Variants in EYA4 observed in about 807,000 individuals in gnomAD.
EYA4 encodes EYA transcriptional coactivator and phosphatase 4.
EYA4 carries 31 observed loss-of-function variants against 87.9 expected under a neutral mutation model. That is an observed-to-expected ratio of 0.35 (90% CI 0.27 to 0.48). The LOEUF (loss-of-function observed/expected upper bound fraction) is 0.48, where lower values mean the gene tolerates loss of function less well. Ranked by LOEUF, EYA4 falls within the 20% of genes least tolerant of loss-of-function variation. EYA4 has a pLI of 0.99. For missense variants in EYA4, 678 were observed against 761.4 expected (o/e 0.89, Z 1.29); for synonymous variants, 263 against 270.6 (o/e 0.97, Z 0.28).
intron 3 of EYA4, among the ~76,000 whole-genome samples, chr6:133,442,356 G>A (rs939444779): frequency 6.6e-6 from 1 of 152,142 alleles, no homozygotes; most frequent in Non-Finnish European, 1.5e-5. Flanking sequence ...ACCCTTCCTA[G>A]AGTTGAGCTT....
intron 2 of EYA4, among the ~76,000 whole-genome samples, chr6:133,341,211 A>G (rs978288379): frequency 6.6e-6 from 1 of 152,170 alleles, no homozygotes; most frequent in Non-Finnish European, 1.5e-5. Context: ...ACCTGAGGGA[A>G]TAGTTCACAG....
At chr6:133,243,930 A>G (rs1484819474) in intron 1 of EYA4, among the ~76,000 whole-genome samples, 1 of 152,236 alleles carries the variant, frequency 6.6e-6, no homozygotes, top group Non-Finnish European at 1.5e-5. Context: ...AGACATAACT[A>G]CACCCACATT....
At chr6:133,277,085 ATAGT>A (rs1356574868) in intron 2 of EYA4, among the ~76,000 whole-genome samples, 2 of 152,180 alleles carry the variant, frequency 1.3e-5, no homozygotes, top group Admixed American at 6.5e-5. Context: ...AATAAAGTTC[ATAGT>A]TAGATGAAAG....
intron 2 of EYA4, among the ~76,000 whole-genome samples, chr6:133,356,414 T>C (rs1182018294): frequency 1.3e-5 from 2 of 152,226 alleles, no homozygotes; most frequent in African/African-American, 4.8e-5. Flanking sequence ...TTGATGTTTC[T>C]GATGATGATG....
chr6:133,526,216 T>C (rs531118689), intron 19 of EYA4, among the ~76,000 whole-genome samples: 97 of 152,234 alleles, frequency 6.4e-4, no homozygotes, highest in African/African-American at 1.9e-3. Context: ...ATAAAAGTGA[T>C]AGAATTTACA....
In EYA4 at chr6:133,418,818, CT is replaced by C. The variant is rs34627302; in HGVS notation, c.84-27804del. The stretch of plus-strand genomic sequence containing the variant: ...TTTCAGTTTAGAATACTGTATATTT[CT>C]TTTTTTTGACATATATTTGAAAAGA... On this transcript the variant is annotated intron_variant, in intron 3 of 19. Coordinates refer to ENST00000355286, the MANE Select transcript of EYA4 (RefSeq NM_004100.5). Among the ~76,000 whole-genome samples the C allele has an allele frequency of 3.3e-5, 5 of 151,358 alleles. No individual in the cohort carries two copies. The East Asian group carries it at 7.8e-4, about 24-fold the overall frequency.
chr6:133,451,767 T>C (rs942986559), intron 5 of EYA4, among the ~76,000 whole-genome samples: 11 of 152,274 alleles, frequency 7.2e-5, no homozygotes, highest in African/African-American at 2.6e-4. Context: ...AAGAAACAAC[T>C]TCAAAGAAAA....
chr6:133,411,174 A>G (rs367688621), intron 3 of EYA4, among the ~76,000 whole-genome samples: 1 of 152,320 alleles, frequency 6.6e-6, no homozygotes, highest in Non-Finnish European at 1.5e-5. Flanking sequence ...ACAGATGAGG[A>G]CTTACTATTT....
intron 3 of EYA4, among the ~76,000 whole-genome samples, chr6:133,383,212 G>A (rs185106835): frequency 1.3e-5 from 2 of 152,286 alleles, no homozygotes; most frequent in Admixed American, 6.5e-5. Flanking sequence ...CCCGCATATA[G>A]TGCATGTAGT....
chr6:133,452,359 G>C (rs1793531236), intron 5 of EYA4, among the ~76,000 whole-genome samples: 1 of 152,130 alleles, frequency 6.6e-6, no homozygotes, highest in Admixed American at 6.5e-5. Flanking sequence ...AAGATGAAAT[G>C]TAAATGTAAA....
At chr6:133,366,693 A>C (rs759191328) in intron 2 of EYA4, among the ~76,000 whole-genome samples, 17 of 151,042 alleles carry the variant, frequency 1.1e-4, no homozygotes, top group Non-Finnish European at 2.4e-4. Context: ...ATGATTTGTT[A>C]AGTGTTTAAC....
chr6:133,515,253 G>A (rs932069882), intron 16 of EYA4, 68 bp from the exon 17 acceptor site: 1 of 810,728 alleles, frequency 1.2e-6, no homozygotes, highest in Non-Finnish European at 2.2e-6. Context: ...AGACAGAAGG[G>A]AATCTAAACT....
intron 11 of EYA4, among the ~76,000 whole-genome samples, chr6:133,474,860 C>A (rs1795587330): frequency 1.3e-5 from 2 of 152,078 alleles, no homozygotes; most frequent in South Asian, 2.1e-4. Flanking sequence ...TAAAATTAAA[C>A]CCACAGTTTT....
At chr6:133,356,103 A>G (rs755240334) in intron 2 of EYA4, among the ~76,000 whole-genome samples, 1 of 151,916 alleles carries the variant, frequency 6.6e-6, no homozygotes, top group African/African-American at 2.4e-5. Context: ...CCTGCTTGCT[A>G]TCTGGTGCCT....
At chr6:133,399,576 T>C (rs998321670) in intron 3 of EYA4, among the ~76,000 whole-genome samples, 3 of 152,232 alleles carry the variant, frequency 2.0e-5, no homozygotes, top group Non-Finnish European at 4.4e-5. Context: ...GAATGTCAAC[T>C]TGGACTACAT....
chr6:133,241,061 G>C (rs917171162), upstream of EYA4, among the ~76,000 whole-genome samples: 2 of 152,134 alleles, frequency 1.3e-5, no homozygotes. Context: ...GGGGCGGCGC[G>C]GAGGGCACGG....
At chr6:133,303,070 A>G (rs1412380189) in intron 2 of EYA4, among the ~76,000 whole-genome samples, 1 of 152,202 alleles carries the variant, frequency 6.6e-6, no homozygotes, top group Non-Finnish European at 1.5e-5. Context: ...CGCAAATGAC[A>G]GGATGGATTT....
chr6:133,287,279 A>T (rs1474405251), intron 2 of EYA4, among the ~76,000 whole-genome samples: 1 of 152,234 alleles, frequency 6.6e-6, no homozygotes, highest in African/African-American at 2.4e-5. Context: ...AGCATGGAAA[A>T]TGTGTTCAAT....
chr6:133,491,138 A>T (rs1468188357), intron 13 of EYA4, among the ~76,000 whole-genome samples: 1 of 152,170 alleles, frequency 6.6e-6, no homozygotes, highest in Non-Finnish European at 1.5e-5. Context: ...GAAGGAAATT[A>T]AAAATTTCTT....
Sources: gnomAD v4.1 joint callset for allele counts (sites outside exome capture counted in the v4.1 genomes callset) on GRCh38, gnomAD v4.1.1 for gene constraint, MANE v1.5 for transcripts, NCBI Gene and HGNC (gene_info 2026-07-23, HGNC 2026-07-21) for gene names.